Variants in OTULINL observed in about 807,000 individuals in gnomAD.
OTULINL encodes inactive ubiquitin thioesterase OTULINL.
A neutral mutation model predicts 43.9 loss-of-function variants in OTULINL; 42 were observed. The ratio of observed to expected loss-of-function variants is 0.96; its 90% confidence interval spans 0.75 to 1.24. The LOEUF (loss-of-function observed/expected upper bound fraction) is 1.24, where lower values mean the gene tolerates loss of function less well. Among genes scored for constraint, OTULINL ranks in the 50% most tolerant of loss-of-function variants. The pLI, the probability that OTULINL is intolerant of heterozygous loss-of-function variation, is 0.00. For synonymous variants in OTULINL, 172 were observed against 153.6 expected (o/e 1.12, Z -0.88); for missense variants, 411 against 426.4 (o/e 0.96, Z 0.32).
chr5:14,584,188 T>C (rs1020238612), intron 1 of OTULINL, among the ~76,000 whole-genome samples: 1 of 152,190 alleles, frequency 6.6e-6, no homozygotes, highest in Non-Finnish European at 1.5e-5. Context: ...CCCCACACTC[T>C]TCCTTGCTCT....
chr5:14,597,852 G>A (rs1479546593), intron 1 of OTULINL, among the ~76,000 whole-genome samples: 1 of 152,140 alleles, frequency 6.6e-6, no homozygotes, highest in African/African-American at 2.4e-5. Context: ...GGACACATTG[G>A]GTAGAGGGAG....
intron 4 of OTULINL, among the ~76,000 whole-genome samples, chr5:14,601,769 C>G (rs1759393195): frequency 6.6e-6 from 1 of 152,146 alleles, no homozygotes; most frequent in Non-Finnish European, 1.5e-5. Context: ...GATCAGGCAC[C>G]CTGATGTAAA....
Position 14,601,102 on chromosome 5 carries a change from T to C in OTULINL, c.202T>C (p.Tyr68His). ...AICYFRRLHL[Y>H]SGHKLKWWIG... is the part of the protein sequence containing the mutation. The stretch of plus-strand genomic sequence containing the variant: ...CTGCTACTTCCGGAGGCTACATTTA[T>C]ATTCAGGGCACAAGCTGAAATGGTA... Residue 68 changes from tyrosine (Y) to histidine (H), a missense_variant, in exon 2 of 8, where the codon TAT becomes CAT. Coordinates refer to ENST00000274217, the MANE Select transcript of OTULINL (RefSeq NM_019018.3). The C allele has an allele frequency of 6.2e-7, 1 of 1,612,592 alleles. No individual in the cohort carries two copies. Among genetic ancestry groups the C allele is most frequent in the Non-Finnish European group, 8.5e-7 (1 of 1,179,478 alleles).
At chr5:14,600,349 A>T (rs1759363607) in intron 1 of OTULINL, among the ~76,000 whole-genome samples, 1 of 152,216 alleles carries the variant, frequency 6.6e-6, no homozygotes, top group South Asian at 2.1e-4. Context: ...TCTTTCCTTT[A>T]TAAATTACCC....
At position 14,602,182 on chromosome 5, in the gene OTULINL, G is replaced by A. The variant is rs1348757573; in HGVS notation, c.349-1G>A. On this transcript the variant is annotated splice_acceptor_variant, in intron 4 of 7. Transcript: ENST00000274217. LOFTEE classifies it high-confidence loss of function. ...ACAACTTTCTCTTTTTATTTTATTA[G>A]GCTTATGAGGAGCTATTTTGGCGGC... is the stretch of plus-strand genomic sequence containing the variant. The A allele has an allele frequency of 6.3e-7, 1 of 1,582,042 alleles. No individual in the cohort carries two copies. Among genetic ancestry groups the A allele is most frequent in the African/African-American group, 1.4e-5 (1 of 73,632 alleles).
At chr5:14,600,110 G>A (rs147131583) in intron 1 of OTULINL, among the ~76,000 whole-genome samples, 2,545 of 152,298 alleles carry the variant, frequency 0.017, 37 homozygotes, top group Middle Eastern at 0.024. Flanking sequence ...TCATGGGAGG[G>A]ACCCAGTGGG....
rs767235893 is a variant in OTULINL, at chr5:14,610,297, C to T, written c.1054C>T (p.His352Tyr). 4 of 1,613,048 alleles carry T rather than the reference C, an allele frequency of 2.5e-6. No homozygotes were observed. ...SLLTENDRHY[H>Y]IPVF ...GCTGACCGAGAACGACCGCCACTAC[C>T]ACATTCCAGTCTTTTAAGTCCGCTG... The change falls in exon 8 of 8, where the codon CAC (histidine) becomes TAC (tyrosine). Residue 352 changes from histidine to tyrosine, a missense_variant. Transcript: ENST00000274217.
At chr5:14,596,744 C>A (rs1759294699) in intron 1 of OTULINL, among the ~76,000 whole-genome samples, 2 of 152,104 alleles carry the variant, frequency 1.3e-5, no homozygotes, top group African/African-American at 4.8e-5. Flanking sequence ...CAAGTTTATT[C>A]CTGCAGTTCT....
In OTULINL at chr5:14,613,434, A is replaced by G. The variant is rs557499890; in HGVS notation, c.*3120A>G. 1.1e-4 allele frequency among the ~76,000 whole-genome samples: 17 copies of G among 152,288 alleles called. No individual in the cohort carries two copies. In the South Asian group the frequency reaches 3.3e-3, roughly 30 times the overall value. ...TAATCTGAGTATTTCCTCTGGGCTTAAAAGAGCCTCAGTGGAGAAGTACAA... is the reference window on the plus strand; with the variant it reads ...TAATCTGAGTATTTCCTCTGGGCTTGAAAGAGCCTCAGTGGAGAAGTACAA... On this transcript the variant is annotated 3_prime_UTR_variant, in exon 8 of 8. Transcript: ENST00000274217.
In OTULINL at chr5:14,614,964, A is replaced by G; in HGVS notation, c.*4650A>G. 2.5e-6 allele frequency: 1 copy of G among 392,684 alleles called. No individual in the cohort carries two copies. The highest frequency in any genetic ancestry group is 4.5e-6 in the Non-Finnish European group (1 of 222,962). 24.3% of individuals were successfully genotyped at this position (392,684 alleles called of 1,614,324 possible). On this transcript the variant is annotated 3_prime_UTR_variant, in exon 8 of 8. Transcript: ENST00000274217. Reference sequence around the variant, plus strand: ...ATTTGTAATGATTCTTGGGAAGTTTAGTCAAGAGAATATCCTTGAATAAAG... The same window carrying G: ...ATTTGTAATGATTCTTGGGAAGTTTGGTCAAGAGAATATCCTTGAATAAAG...
intron 7 of OTULINL, among the ~76,000 whole-genome samples, chr5:14,609,787 C>T (rs1260513519): frequency 2.0e-5 from 3 of 152,252 alleles, no homozygotes; most frequent in East Asian, 1.9e-4. Context: ...CCCGCCACTG[C>T]GCCCGGCTAA....
At chr5:14,589,003 G>T (rs2126771070) in intron 1 of OTULINL, among the ~76,000 whole-genome samples, 1 of 152,296 alleles carries the variant, frequency 6.6e-6, no homozygotes, top group East Asian at 1.9e-4. Context: ...GAAGCTGGCA[G>T]TCTCTCTCAT....
intron 1 of OTULINL, among the ~76,000 whole-genome samples, chr5:14,599,381 G>A (rs1337151532): frequency 3.9e-5 from 6 of 152,070 alleles, no homozygotes; most frequent in African/African-American, 1.2e-4. Flanking sequence ...CCAGCAACTG[G>A]GGAGGCTGAG....
intron 1 of OTULINL, among the ~76,000 whole-genome samples, chr5:14,599,663 G>A (rs563528725): frequency 1.5e-4 from 23 of 152,266 alleles, no homozygotes; most frequent in Non-Finnish European, 3.1e-4. Flanking sequence ...ATTATGTACT[G>A]TGGAGGAAAT....
intron 7 of OTULINL, among the ~76,000 whole-genome samples, 180 bp from the exon 8 acceptor site, chr5:14,609,961 C>G (rs1759549996): frequency 6.6e-6 from 1 of 152,176 alleles, no homozygotes; most frequent in African/African-American, 2.4e-5. Flanking sequence ...CTATGCTCGT[C>G]CCCTTCCTTC....
chr5:14,610,346 A>G lies in OTULINL; in HGVS notation c.*32A>G, dbSNP rs1475092935. ...TGGGGGCCGAACAGCAGTGCTCACC[A>G]GTGACGGTGGTCACAGTTGCAATAA... On this transcript the variant is annotated 3_prime_UTR_variant, in exon 8 of 8. Coordinates refer to ENST00000274217, the MANE Select transcript of OTULINL (RefSeq NM_019018.3). 1.9e-6 allele frequency: 3 copies of G among 1,599,248 alleles called. No individual in the cohort carries two copies. Among genetic ancestry groups the G allele is most frequent in the African/African-American group, 1.3e-5 (1 of 74,168 alleles).
intron 5 of OTULINL, among the ~76,000 whole-genome samples, chr5:14,604,863 C>T (rs192034650): frequency 2.0e-4 from 31 of 152,352 alleles, no homozygotes; most frequent in South Asian, 1.0e-3. Context: ...GGTACAGCCT[C>T]CCTCCTGGCT....
At chr5:14,600,590 T>C (rs1759367026) in intron 1 of OTULINL, among the ~76,000 whole-genome samples, 1 of 152,194 alleles carries the variant, frequency 6.6e-6, no homozygotes, top group Non-Finnish European at 1.5e-5. Flanking sequence ...GCCAAGTCAG[T>C]GTTTTCACAC....
rs1759645054 is a variant in OTULINL at position 14,614,854 on chromosome 5, C to A, written c.*4540C>A. On this transcript the variant is annotated 3_prime_UTR_variant, in exon 8 of 8. Coordinates refer to ENST00000274217, the MANE Select transcript of OTULINL (RefSeq NM_019018.3). ...AAATCAAATTTCTGTATGTAATTGA[C>A]GTATTGGTCCTTATAGTCAGTACCA... 1 of 397,578 alleles carries A rather than the reference C, an allele frequency of 2.5e-6. No homozygotes were observed. The highest frequency in any genetic ancestry group is 1.4e-4 in the South Asian group (1 of 7,196). The allele number at this position is 397,578 out of a possible 1,614,324, so 24.6% of individuals were successfully genotyped here. A position where few individuals can be genotyped will look rare whatever the true frequency, so the allele number is the denominator to read the frequency against.
Sources: allele counts gnomAD v4.1 joint callset (sites outside exome capture counted in the v4.1 genomes callset), GRCh38; gene constraint gnomAD v4.1.1; transcripts MANE v1.5; gene names NCBI Gene and HGNC (gene_info 2026-07-23, HGNC 2026-07-21).